The following MORC1 variants were observed in gnomAD, a reference collection of about 807,000 sequenced individuals.
MORC1 encodes the protein MORC family CW-type zinc finger protein 1.
A neutral mutation model predicts 134.9 loss-of-function variants in MORC1; 59 were observed. The ratio of observed to expected loss-of-function variants is 0.44; its 90% CI spans 0.35 to 0.54. MORC1 has a LOEUF of 0.54. Ranked by LOEUF, MORC1 falls within the 20% of genes least tolerant of loss-of-function variation. The pLI, the probability that MORC1 is intolerant of heterozygous loss-of-function variation, is 0.00. For missense variants in MORC1, 947 were observed against 1,134.5 expected, an observed-to-expected ratio of 0.83 and a Z score of 2.37; for synonymous variants, 395 against 391.7, an observed-to-expected ratio of 1.01 and a Z score of -0.10.
intron 8 of MORC1, among the ~76,000 whole-genome samples, chr3:109,084,016 A>T (rs1474999485): frequency 6.6e-6 from 1 of 152,184 alleles, no homozygotes; most frequent in Non-Finnish European, 1.5e-5. Flanking sequence ...ACCTCAAAAT[A>T]ATAAAAACTA....
chr3:109,009,350 C>A (rs1044504145), intron 17 of MORC1, among the ~76,000 whole-genome samples: 1 of 151,816 alleles, frequency 6.6e-6, no homozygotes, highest in Non-Finnish European at 1.5e-5. Context: ...GGACTACAGG[C>A]GCATGCCACC....
At position 108,996,569 on chromosome 3, in the gene MORC1, A is replaced by T. The variant is rs193253524; in HGVS notation, c.2187+3988T>A. The stretch of plus-strand genomic sequence containing the variant: ...CCTGGCAGTTTTTTAATCTCCAGAA[A>T]ATGCCTGGAGCTTTAACCAAATCCC... On this transcript the variant is annotated intron_variant, in intron 21 of 27. Coordinates refer to ENST00000232603, the MANE Select transcript of MORC1 (RefSeq NM_014429.4). Among the ~76,000 whole-genome samples, 265 of 152,320 alleles carry T rather than the reference A, an allele frequency of 1.7e-3. 2 individuals are homozygous for T. The highest frequency in any genetic ancestry group is 6.2e-3 in the African/African-American group (256 of 41,572).
rs1015717922 is a variant in MORC1, at chr3:109,077,342, G to A, written c.690-7585C>T. On this transcript the variant is annotated intron_variant, in intron 8 of 27. Transcript: ENST00000232603. ...CACAAAAAACAAATCTTCTAATTTA[G>A]TCTAAATAATTGTTCATGTCTGATG... Among the ~76,000 whole-genome samples, 4 of 152,116 alleles carry A rather than the reference G, an allele frequency of 2.6e-5. No individual in the cohort carries two copies. The South Asian group carries it at 6.2e-4, about 24-fold the overall frequency.
chr3:109,095,084 C>T lies in MORC1; in HGVS notation c.424-16G>A, dbSNP rs1021870380. 1 of 1,551,290 alleles carries T rather than the reference C, an allele frequency of 6.4e-7. No homozygotes were observed. On this transcript the variant is annotated splice_polypyrimidine_tract_variant and intron_variant, in intron 6 of 27. Coordinates refer to ENST00000232603, the MANE Select transcript of MORC1 (RefSeq NM_014429.4). The stretch of plus-strand genomic sequence containing the variant: ...GAACTACAACCTATTTAAAAAAAAA[C>T]ACATCAATTTACTATGAAATACACA...
chr3:109,030,813 T>C (rs1029005732), intron 16 of MORC1, among the ~76,000 whole-genome samples: 1 of 152,214 alleles, frequency 6.6e-6, no homozygotes. Flanking sequence ...TAGCTTATTA[T>C]ACATTTTATA....
intron 24 of MORC1, among the ~76,000 whole-genome samples, chr3:108,975,552 C>G (rs780336904): frequency 2.6e-5 from 4 of 151,996 alleles, no homozygotes; most frequent in Admixed American, 6.6e-5. Flanking sequence ...GGTCAGATTG[C>G]CAGGGTTCAA....
At position 109,050,447 on chromosome 3, in the gene MORC1, T is replaced by C. The variant is rs1428372713; in HGVS notation, c.1330+4281A>G. On this transcript the variant is annotated intron_variant, in intron 14 of 27. Transcript: ENST00000232603. ...TGGAGAAGGGGATAAGGGGTCTCTC[T>C]TGGACCTCCTTTATAAATACACTAA... Among the ~76,000 whole-genome samples the C allele has an allele frequency of 2.6e-5, 4 of 152,196 alleles. 1 individual carries two copies. The highest frequency in any genetic ancestry group is 1.3e-4 in the Admixed American group (2 of 15,282).
intron 26 of MORC1, among the ~76,000 whole-genome samples, chr3:108,969,304 TA>T (rs1347984334): frequency 2.6e-5 from 4 of 152,152 alleles, no homozygotes; most frequent in African/African-American, 9.7e-5. Flanking sequence ...ATAAGGTACT[TA>T]AAAAACTCAG....
At chr3:108,968,559 G>A (rs574399589) in intron 26 of MORC1, among the ~76,000 whole-genome samples, 5 of 152,178 alleles carry the variant, frequency 3.3e-5, no homozygotes, top group South Asian at 4.2e-4. Context: ...TTGCTTCTTG[G>A]ACTTTTGGCT....
intron 3 of MORC1, among the ~76,000 whole-genome samples, chr3:109,109,081 C>T (rs1213609679): frequency 6.6e-6 from 1 of 152,066 alleles, no homozygotes; most frequent in African/African-American, 2.4e-5. Context: ...GCTTTTTCAC[C>T]AGACATCTGT....
intron 3 of MORC1, among the ~76,000 whole-genome samples, chr3:109,107,921 C>A (rs1951073345): frequency 6.6e-6 from 1 of 152,142 alleles, no homozygotes; most frequent in East Asian, 1.9e-4. Context: ...GCCAGCCATG[C>A]CTGGTGGCTC....
intron 8 of MORC1, among the ~76,000 whole-genome samples, chr3:109,081,339 TAGAC>T (rs1328072299): frequency 1.3e-5 from 2 of 151,134 alleles, no homozygotes; most frequent in African/African-American, 2.4e-5. Context: ...CAAAAACAAA[TAGAC>T]AGTGCCAAAA....
chr3:109,000,462 TA>T, intron 21 of MORC1, 94 bp downstream of exon 21: 1 of 951,008 alleles, frequency 1.1e-6, no homozygotes. Context: ...GTTTTCCAAC[TA>T]AATGTTTCCA....
At chr3:109,064,144 T>G (rs939646158) in intron 9 of MORC1, among the ~76,000 whole-genome samples, 15 of 152,136 alleles carry the variant, frequency 9.9e-5, no homozygotes, top group African/African-American at 3.6e-4. Flanking sequence ...TATGCATGCG[T>G]GTGTACATAT....
intron 27 of MORC1, among the ~76,000 whole-genome samples, chr3:108,960,856 T>C (rs1412519421): frequency 1.3e-5 from 2 of 152,218 alleles, no homozygotes; most frequent in Non-Finnish European, 2.9e-5. Context: ...TCTTTAATAA[T>C]GTAAAAAAGA....
intron 14 of MORC1, among the ~76,000 whole-genome samples, chr3:109,048,080 C>T (rs1949737293): frequency 6.6e-6 from 1 of 152,122 alleles, no homozygotes; most frequent in Non-Finnish European, 1.5e-5. Context: ...TTGAACTACT[C>T]CTAGTAATGC....
At chr3:109,055,023 T>C in intron 13 of MORC1, 141 bp from the exon 14 acceptor site, 1 of 744,876 alleles carries the variant, frequency 1.3e-6, no homozygotes, top group East Asian at 2.8e-5. Flanking sequence ...TTTAACAAGT[T>C]AGCTAATTAT....
At chr3:108,969,179 GA>G (rs1017907217) in intron 26 of MORC1, among the ~76,000 whole-genome samples, 70 of 152,144 alleles carry the variant, frequency 4.6e-4, no homozygotes, top group African/African-American at 1.7e-3. Flanking sequence ...AGTGATCTTG[GA>G]ATGGCTTGAG....
chr3:109,026,629 G>A (rs6793056), intron 17 of MORC1, among the ~76,000 whole-genome samples: 30,046 of 152,084 alleles, frequency 0.2, 3,401 homozygotes, highest in Middle Eastern at 0.32. Context: ...TACCAAGTGT[G>A]GTAAATAAGA....
Sources: allele counts gnomAD v4.1 joint callset (sites outside exome capture counted in the v4.1 genomes callset), GRCh38; gene constraint gnomAD v4.1.1; transcripts MANE v1.5; gene names NCBI Gene and HGNC (gene_info 2026-07-23, HGNC 2026-07-21).